The following RBM39 variants were observed in gnomAD, a reference collection of about 807,000 sequenced individuals.
RBM39 encodes the protein RNA-binding protein 39.
RBM39 carries 12 observed loss-of-function variants against 79.6 expected under a neutral mutation model. The observed-to-expected ratio is 0.15, with a 90% CI of 0.10 to 0.24. RBM39 has a LOEUF of 0.24. RBM39 is among the 10% of genes least tolerant of loss of function. The probability of loss-of-function intolerance (pLI) is 1.00; values close to 1 mark genes in which losing one functional copy is unlikely to be tolerated. For synonymous variants in RBM39, 185 were observed against 208.4 expected, an observed-to-expected ratio of 0.89 and a Z score of 0.97; for missense variants, 243 against 653.4, an observed-to-expected ratio of 0.37 and a Z score of 6.85.
intron 12 of RBM39, chr20:35,710,631 T>C (rs1331313368): frequency 6.6e-6 from 1 of 152,210 alleles, no homozygotes; most frequent in East Asian, 1.9e-4. Context: ...GACCCATCCC[T>C]AGTTTCACCC....
intron 6 of RBM39, among the ~76,000 whole-genome samples, chr20:35,727,326 G>A (rs1385867635): frequency 6.6e-6 from 1 of 150,786 alleles, no homozygotes; most frequent in Non-Finnish European, 1.5e-5. Flanking sequence ...CTATAGCCTG[G>A]GTGACAAAGA....
At chr20:35,732,213 A>G in intron 3 of RBM39, 78 bp from the exon 4 acceptor site, 1 of 1,287,204 alleles carries the variant, frequency 7.8e-7, no homozygotes, top group South Asian at 1.2e-5. Flanking sequence ...GGCCAGAATC[A>G]TTTTTTCATC....
At chr20:35,723,242 A>G (rs2038218471) in intron 8 of RBM39, among the ~76,000 whole-genome samples, 1 of 152,110 alleles carries the variant, frequency 6.6e-6, no homozygotes, top group Non-Finnish European at 1.5e-5. Flanking sequence ...AAAAAAAAAA[A>G]AAAGAAAAGT....
intron 3 of RBM39, chr20:35,734,252 GT>G: frequency 2.3e-6 from 3 of 1,303,106 alleles, no homozygotes; most frequent in Non-Finnish European, 3.0e-6. Flanking sequence ...GAGGCAGAAA[GT>G]TTGTCTAAAA....
intron 3 of RBM39, among the ~76,000 whole-genome samples, chr20:35,738,245 G>A (rs547749311): frequency 3.1e-4 from 47 of 151,900 alleles, no homozygotes; most frequent in Non-Finnish European, 6.6e-4. Flanking sequence ...TCCAGCCTGG[G>A]CTACAGAGCA....
At chr20:35,724,359 C>A (rs2038386271) in intron 8 of RBM39, among the ~76,000 whole-genome samples, 1 of 150,042 alleles carries the variant, frequency 6.7e-6, no homozygotes, top group African/African-American at 2.5e-5. Context: ...AAAATCATTA[C>A]ATTTCAAACA....
chr20:35,706,105 G>GT (rs2146478590), intron 14 of RBM39, among the ~76,000 whole-genome samples: 1 of 152,304 alleles, frequency 6.6e-6, no homozygotes, highest in African/African-American at 2.4e-5. Context: ...TTCGGATGCT[G>GT]AAGCGAGCAG....
At chr20:35,705,571 G>A (rs971522339) in intron 14 of RBM39, among the ~76,000 whole-genome samples, 2 of 152,034 alleles carry the variant, frequency 1.3e-5, no homozygotes, top group African/African-American at 4.8e-5. Context: ...GCCGAAGTGG[G>A]CAGATCACCA....
At chr20:35,741,882 A>C in intron 1 of RBM39, 59 bp downstream of exon 1, 1 of 160,708 alleles carries the variant, frequency 6.2e-6, no homozygotes, top group South Asian at 1.2e-4. Flanking sequence ...CCCTCAGCCC[A>C]AAATGGAGCC....
At chr20:35,738,826 A>G in intron 3 of RBM39, 142 bp downstream of exon 3, 1 of 734,470 alleles carries the variant, frequency 1.4e-6, no homozygotes, top group South Asian at 1.9e-5. Context: ...TTGTCTCAAA[A>G]GGCAAAGAAC....
At chr20:35,732,263 TG>T (rs1250819135) in intron 3 of RBM39, 128 bp from the exon 4 acceptor site, 14 of 807,182 alleles carry the variant, frequency 1.7e-5, no homozygotes, top group African/African-American at 4.1e-5. Flanking sequence ...TATGATACAA[TG>T]GTACATAATC....
chr20:35,731,843 A>C (rs2425111), intron 4 of RBM39, 98 bp downstream of exon 4: 167,683 of 1,141,036 alleles, frequency 0.15, 13,570 homozygotes, highest in African/African-American at 0.31. Context: ...CAATCATTAA[A>C]AAAATAAAAA....
intron 12 of RBM39, among the ~76,000 whole-genome samples, chr20:35,711,648 TAAG>T (rs1399380308): frequency 1.3e-5 from 2 of 152,122 alleles, no homozygotes; most frequent in Admixed American, 6.5e-5. Context: ...CTCACACACT[TAAG>T]AACAACCACT....
chr20:35,724,503 C>A, intron 8 of RBM39, 67 bp downstream of exon 8: 1 of 1,529,820 alleles, frequency 6.5e-7, no homozygotes, highest in East Asian at 2.3e-5. Flanking sequence ...CACAACAGCA[C>A]TATACCATGC....
intron 3 of RBM39, chr20:35,734,474 T>G: frequency 4.3e-6 from 1 of 234,194 alleles, no homozygotes; most frequent in South Asian, 5.3e-5. Context: ...AAACCAAAAG[T>G]CCTAAATATA....
chr20:35,705,348 G>A lies in RBM39; in HGVS notation c.1308-18C>T. The A allele has an allele frequency of 1.5e-6, 2 of 1,376,532 alleles. No individual in the cohort carries two copies. Among genetic ancestry groups the A allele is most frequent in the Non-Finnish European group, 2.0e-6 (2 of 984,470 alleles). The allele number at this position is 1,376,532 out of a possible 1,614,324, so 85.3% of individuals were successfully genotyped here. ...CTTCTTCTCTGTAAGAAAGTATTAA[G>A]GACTCTTAAATACTATTGAAACTAA... On this transcript the variant is annotated intron_variant, in intron 14 of 16. Transcript: ENST00000253363.
chr20:35,701,360 G>C lies in RBM39; in HGVS notation c.*3121C>G, dbSNP rs904275459. The C allele has an allele frequency of 1.9e-5, 3 of 160,640 alleles. No individual in the cohort carries two copies. Among genetic ancestry groups the C allele is most frequent in the South Asian group, 1.7e-4 (1 of 5,826 alleles). The allele number at this position is 160,640 out of a possible 1,614,324, so 10.0% of individuals were successfully genotyped here. On this transcript the variant is annotated 3_prime_UTR_variant, in exon 17 of 17. Transcript: ENST00000253363. ...GGTTGGAGTGCAGTGGCACGATCTCGGCTTACCGCAACTTCTGCCTCCTGT... is the reference window on the plus strand; with the variant it reads ...GGTTGGAGTGCAGTGGCACGATCTCCGCTTACCGCAACTTCTGCCTCCTGT...
chr20:35,709,455 T>A lies in RBM39; in HGVS notation c.1175-181A>T, dbSNP rs1424036143. On this transcript the variant is annotated intron_variant, in intron 12 of 16. Transcript: ENST00000253363. ...TTTGGGGCCTTTTTTCCCCCTCTTA[T>A]CCTGGGAAACTTACTTTTCCCTCTC... is the stretch of plus-strand genomic sequence containing the variant. 5.4e-6 allele frequency: 3 copies of A among 556,420 alleles called. No individual in the cohort carries two copies. The African/African-American group carries it at 5.7e-5, about 11-fold the overall frequency. The allele number at this position is 556,420 out of a possible 1,614,324, so 34.5% of individuals were successfully genotyped here.
intron 6 of RBM39, among the ~76,000 whole-genome samples, chr20:35,728,091 A>G (rs1050546331): frequency 3.3e-5 from 5 of 152,176 alleles, no homozygotes; most frequent in Non-Finnish European, 7.3e-5. Context: ...CTGGCCTACA[A>G]TTCTTATTTT....
Sources: gnomAD v4.1 joint callset for allele counts (sites outside exome capture counted in the v4.1 genomes callset) on GRCh38, gnomAD v4.1.1 for gene constraint, MANE v1.5 for transcripts, NCBI Gene and HGNC (gene_info 2026-07-23, HGNC 2026-07-21) for gene names.